The following DGLUCY variants were observed in gnomAD, a reference collection of about 807,000 sequenced individuals.
The protein encoded by DGLUCY is D-glutamate cyclase, also known as D-glutamate cyclase, mitochondrial.
A neutral mutation model predicts 58.5 loss-of-function variants in DGLUCY; 58 were observed. The observed-to-expected ratio is 0.99, with a 90% CI of 0.80 to 1.23. The LOEUF is 1.23. Ranked by LOEUF, DGLUCY falls within the 50% of genes most tolerant of loss-of-function variation. The pLI is 0.00. For missense variants in DGLUCY, 779 were observed against 784.7 expected, an observed-to-expected ratio of 0.99 and a Z score of 0.09; for synonymous variants, 325 against 314.1, an observed-to-expected ratio of 1.03 and a Z score of -0.37.
chr14:91,210,000 G>A (rs181059776), intron 12 of DGLUCY, among the ~76,000 whole-genome samples: 15 of 152,194 alleles, frequency 9.9e-5, no homozygotes, highest in Non-Finnish European at 1.5e-4. Flanking sequence ...GACATAATAC[G>A]CCAGGCACAA....
rs1566925850 is a variant in DGLUCY, at chr14:91,062,612, A to ATATATATATAT, written c.-82+1908_-82+1909insTATATATATAT. ...ATATATATATATATATATATATATA[A>ATATATATATAT]ACAATCCTTAGCTCAAGGGCAGTTA... On this transcript the variant is annotated intron_variant, in intron 1 of 4. Transcript: ENST00000521334. Among the ~76,000 whole-genome samples, 5 of 28,704 alleles carry ATATATATATAT rather than the reference A, an allele frequency of 1.7e-4. 2 individuals carry two copies. The highest frequency in any genetic ancestry group is 2.8e-4 in the Non-Finnish European group (5 of 17,630). The allele number at this position is 28,704 out of a possible 152,430, so 18.8% of individuals were successfully genotyped here. A position where few individuals can be genotyped will look rare whatever the true frequency, so the allele number is the denominator to read the frequency against.
At chr14:91,074,091 A>G (rs2043967694) in intron 1 of DGLUCY, among the ~76,000 whole-genome samples, 1 of 137,248 alleles carries the variant, frequency 7.3e-6, no homozygotes, top group Non-Finnish European at 1.6e-5. Flanking sequence ...CCTCATCTCT[A>G]CCAAAAAAAA....
intron 2 of DGLUCY, among the ~76,000 whole-genome samples, chr14:91,159,546 C>T (rs183510523): frequency 3.3e-5 from 5 of 152,126 alleles, no homozygotes; most frequent in African/African-American, 1.2e-4. Context: ...TTTTAAAAAT[C>T]ATATTTTTTA....
upstream of DGLUCY, among the ~76,000 whole-genome samples, chr14:91,112,594 C>G (rs932713984): frequency 2.6e-5 from 4 of 151,966 alleles, no homozygotes; most frequent in African/African-American, 4.8e-5. Context: ...TTAACCCTTT[C>G]ATTTATTCAT....
chr14:91,205,168 G>C (rs1338939015), intron 12 of DGLUCY, among the ~76,000 whole-genome samples: 1 of 152,206 alleles, frequency 6.6e-6, no homozygotes, highest in Admixed American at 6.5e-5. Context: ...ACAGGTCGCT[G>C]AGAGAGGGTG....
chr14:91,093,655 G>A (rs1233723617), intron 1 of DGLUCY, among the ~76,000 whole-genome samples: 1 of 151,966 alleles, frequency 6.6e-6, no homozygotes, highest in Non-Finnish European at 1.5e-5. Context: ...AAATACAAAA[G>A]TGAACCAATT....
intron 8 of DGLUCY, among the ~76,000 whole-genome samples, chr14:91,185,270 G>GGTT (rs2049435056): frequency 1.2e-5 from 1 of 80,664 alleles, no homozygotes; most frequent in East Asian, 3.4e-4. Flanking sequence ...TGCCCAGCCG[G>GGTT]ATTTTTTTTT....
chr14:91,161,430 G>GGTT (rs1566974750), intron 3 of DGLUCY, among the ~76,000 whole-genome samples: 1 of 152,170 alleles, frequency 6.6e-6, no homozygotes. Context: ...CTGCAATCAA[G>GGTT]GTTGGTCTTA....
intron 9 of DGLUCY, among the ~76,000 whole-genome samples, chr14:91,190,847 A>G (rs927262558): frequency 6.6e-6 from 1 of 152,120 alleles, no homozygotes; most frequent in African/African-American, 2.4e-5. Flanking sequence ...AGGGACAGCC[A>G]TGTTCTGTGT....
intron 12 of DGLUCY, among the ~76,000 whole-genome samples, chr14:91,210,739 C>A (rs1270194564): frequency 6.6e-6 from 1 of 152,058 alleles, no homozygotes; most frequent in Non-Finnish European, 1.5e-5. Flanking sequence ...AGAACATCTA[C>A]AAAAAACCTA....
chr14:91,195,316 A>G (rs2050135730), intron 9 of DGLUCY, among the ~76,000 whole-genome samples: 2 of 152,194 alleles, frequency 1.3e-5, no homozygotes, highest in South Asian at 2.1e-4. Flanking sequence ...AACCAAGTTC[A>G]TTTTATCTTA....
At chr14:91,195,047 C>T (rs1286967151) in intron 9 of DGLUCY, among the ~76,000 whole-genome samples, 2 of 152,106 alleles carry the variant, frequency 1.3e-5, no homozygotes, top group African/African-American at 2.4e-5. Flanking sequence ...CTTGGGCTGG[C>T]TCTACGTGAG....
At chr14:91,073,091 C>T (rs923638717) in intron 1 of DGLUCY, among the ~76,000 whole-genome samples, 1 of 152,098 alleles carries the variant, frequency 6.6e-6, no homozygotes, top group Non-Finnish European at 1.5e-5. Flanking sequence ...TGCCTTTTGT[C>T]ACCAGGTGTT....
intron 1 of DGLUCY, among the ~76,000 whole-genome samples, chr14:91,145,528 C>T (rs974672060): frequency 6.6e-5 from 10 of 152,164 alleles, no homozygotes; most frequent in African/African-American, 2.4e-4. Flanking sequence ...TTTGTACCCG[C>T]TCCACCAGGA....
rs983321902 is a variant in DGLUCY at position 91,133,576 on chromosome 14, A to G, written c.-82+19293A>G. Among the ~76,000 whole-genome samples, 5 of 151,976 alleles carry G rather than the reference A, an allele frequency of 3.3e-5. No individual in the cohort carries two copies. In the South Asian group the frequency reaches 8.3e-4, roughly 25 times the overall value. ...AAAATTATATATATTTTTTCTAGAG[A>G]TGGGGTCTTACTATGTTTCCTAGGA... On this transcript the variant is annotated intron_variant, in intron 1 of 13. Transcript: ENST00000256324.
chr14:91,128,327 AC>A (rs1441446859), intron 1 of DGLUCY, among the ~76,000 whole-genome samples: 2 of 135,402 alleles, frequency 1.5e-5, no homozygotes, highest in African/African-American at 2.6e-5. Flanking sequence ...AAAAAAAAAA[AC>A]CCACAAGAAT....
upstream of DGLUCY, among the ~76,000 whole-genome samples, chr14:91,113,300 A>G (rs1402655491): frequency 6.6e-6 from 1 of 152,192 alleles, no homozygotes; most frequent in Non-Finnish European, 1.5e-5. Flanking sequence ...ACTCTGTCTC[A>G]AAATAACAAC....
intron 1 of DGLUCY, among the ~76,000 whole-genome samples, chr14:91,151,396 C>T (rs1451824993): frequency 2.0e-5 from 3 of 151,930 alleles, no homozygotes; most frequent in Non-Finnish European, 4.4e-5. Context: ...CCCACCACCA[C>T]ACCCGGCTAA....
At chr14:91,184,220 A>T (rs535529882) in intron 8 of DGLUCY, among the ~76,000 whole-genome samples, 1 of 152,094 alleles carries the variant, frequency 6.6e-6, no homozygotes, top group African/African-American at 2.4e-5. Flanking sequence ...ACCCCAAAAC[A>T]GACAGGCTGG....
Sources: allele counts gnomAD v4.1 joint callset (sites outside exome capture counted in the v4.1 genomes callset), GRCh38; gene constraint gnomAD v4.1.1; transcripts MANE v1.5; gene names NCBI Gene and HGNC (gene_info 2026-07-23, HGNC 2026-07-21).